The following ARHGAP24 variants were observed in gnomAD, a reference collection of about 807,000 sequenced individuals.
The protein encoded by ARHGAP24 is Rho GTPase activating protein 24.
In ARHGAP24, 50 loss-of-function variants were observed where a neutral mutation model predicts 76.4. The ratio of observed to expected loss-of-function variants is 0.65; its 90% CI spans 0.52 to 0.83. The LOEUF (loss-of-function observed/expected upper bound fraction) is 0.83, where lower values mean the gene tolerates loss of function less well. Ranked by LOEUF, ARHGAP24 falls within the 40% of genes least tolerant of loss-of-function variation. The probability of loss-of-function intolerance (pLI) is 0.00; values close to 1 mark genes in which losing one functional copy is unlikely to be tolerated. For synonymous variants in ARHGAP24, 345 were observed against 323.3 expected (o/e 1.07, Z -0.72); for missense variants, 930 against 914.2 (o/e 1.02, Z -0.22).
Position 85,531,506 on chromosome 4 carries a change from T to A in ARHGAP24, c.-20-39016T>A, listed in dbSNP as rs1376142386. Among the ~76,000 whole-genome samples, 4 of 152,076 alleles carry A rather than the reference T, an allele frequency of 2.6e-5. No individual in the cohort carries two copies. In the East Asian group the frequency reaches 7.7e-4, roughly 29 times the overall value. On this transcript the variant is annotated intron_variant, in intron 1 of 9. Coordinates refer to ENST00000395184, the MANE Select transcript of ARHGAP24 (RefSeq NM_001025616.3). ...TTCAGTTTCTCCAAACCATTCTGACTTAAGGCTGATCATTGTGGGAAAACA... is the reference window on the plus strand; with the variant it reads ...TTCAGTTTCTCCAAACCATTCTGACATAAGGCTGATCATTGTGGGAAAACA...
At chr4:85,922,432 A>G (rs1487567491) in intron 3 of ARHGAP24, among the ~76,000 whole-genome samples, 4 of 152,204 alleles carry the variant, frequency 2.6e-5, no homozygotes, top group Non-Finnish European at 5.9e-5. Flanking sequence ...AAGTATTTAG[A>G]TCCACTTACA....
chr4:85,850,989 A>C (rs4693130), intron 3 of ARHGAP24, among the ~76,000 whole-genome samples: 72,311 of 151,948 alleles, frequency 0.48, 18,715 homozygotes, highest in East Asian at 0.86. Context: ...GCTGAGTTCA[A>C]GTCCTGGATA....
chr4:85,877,084 T>C (rs2148764257), intron 3 of ARHGAP24, among the ~76,000 whole-genome samples: 1 of 152,350 alleles, frequency 6.6e-6, no homozygotes, highest in South Asian at 2.1e-4. Flanking sequence ...TCTATCTCTA[T>C]GTATCTATCT....
At chr4:85,897,122 T>A (rs1734222349) in intron 3 of ARHGAP24, among the ~76,000 whole-genome samples, 1 of 152,148 alleles carries the variant, frequency 6.6e-6, no homozygotes, top group Admixed American at 6.6e-5. Flanking sequence ...GACTTGAATG[T>A]CCCACTGTCT....
intron 2 of ARHGAP24, among the ~76,000 whole-genome samples, chr4:85,578,749 T>TGTC (rs1727489041): frequency 6.6e-6 from 1 of 151,262 alleles, no homozygotes; most frequent in Non-Finnish European, 1.5e-5. Flanking sequence ...TTGATGTTAC[T>TGTC]ATCATCATCA....
At chr4:85,908,416 A>G (rs9997854) in intron 3 of ARHGAP24, among the ~76,000 whole-genome samples, 24,552 of 152,166 alleles carry the variant, frequency 0.16, 2,077 homozygotes, top group South Asian at 0.3. Context: ...AAGTAAAAAA[A>G]TTTAAGAAGG....
chr4:85,968,809 A>C (rs926750166), intron 5 of ARHGAP24, among the ~76,000 whole-genome samples: 1 of 152,180 alleles, frequency 6.6e-6, no homozygotes, highest in African/African-American at 2.4e-5. Flanking sequence ...CCTAAGTTTA[A>C]TAAAGCCCCA....
rs532389095 is a variant in ARHGAP24, at chr4:85,782,015, C to A, written c.268+60043C>A. ...TCACACCACTGCACTCCAATATGGGCAACAGAGTGAGATTCTATCTCAAAA... is the reference window on the plus strand; with the variant it reads ...TCACACCACTGCACTCCAATATGGGAAACAGAGTGAGATTCTATCTCAAAA... On this transcript the variant is annotated intron_variant, in intron 3 of 9. Transcript: ENST00000395184. 6.7e-5 allele frequency among the ~76,000 whole-genome samples: 8 copies of A among 119,078 alleles called. No individual in the cohort carries two copies. The South Asian group carries it at 2.2e-3, about 33-fold the overall frequency. The allele number at this position is 119,078 out of a possible 152,430, so 78.1% of individuals were successfully genotyped here.
intron 3 of ARHGAP24, among the ~76,000 whole-genome samples, chr4:85,761,807 A>G (rs1726745154): frequency 2.6e-5 from 4 of 152,174 alleles, no homozygotes; most frequent in Admixed American, 2.6e-4. Context: ...ACCTCAGGTT[A>G]CTACAAACGC....
chr4:85,815,986 T>G (rs1352253382), intron 3 of ARHGAP24, among the ~76,000 whole-genome samples: 2 of 152,096 alleles, frequency 1.3e-5, no homozygotes, highest in Non-Finnish European at 2.9e-5. Context: ...TAAAACAGGT[T>G]TCCCCTTATC....
At position 85,995,589 on chromosome 4, in the gene ARHGAP24, C is replaced by G; in HGVS notation, c.1935C>G (p.His645Gln). ...GNSSSNHSALHSLVSSLKQEM... is the reference protein window; with the variant it reads ...GNSSSNHSALQSLVSSLKQEM... ...GCAGCAGCAACCACAGTGCACTGCA[C>G]AGTTTAGTTTCCAGCCTGAAACAGG... Residue 645 changes from histidine to glutamine, a missense_variant, in exon 9 of 10, where the codon CAC (histidine) becomes CAG (glutamine). By Grantham distance (24) the His-to-Gln change is conservative (BLOSUM62 0). Transcript: ENST00000395184. 6.2e-7 allele frequency: 1 copy of G among 1,613,922 alleles called. No individual in the cohort carries two copies. The highest frequency in any genetic ancestry group is 1.1e-5 in the South Asian group (1 of 91,052).
At chr4:85,496,658 G>A (rs1399340451) in intron 1 of ARHGAP24, among the ~76,000 whole-genome samples, 3 of 152,158 alleles carry the variant, frequency 2.0e-5, no homozygotes, top group Admixed American at 2.0e-4. Flanking sequence ...TTAACATGTA[G>A]CAAGCTCCCG....
intron 2 of ARHGAP24, among the ~76,000 whole-genome samples, chr4:85,684,319 T>A (rs1723341042): frequency 6.6e-6 from 1 of 152,230 alleles, no homozygotes; most frequent in African/African-American, 2.4e-5. Context: ...AATTATGAGA[T>A]GATATTTCAT....
chr4:85,560,184 T>C (rs920921025), intron 1 of ARHGAP24, among the ~76,000 whole-genome samples: 20 of 152,188 alleles, frequency 1.3e-4, no homozygotes, highest in African/African-American at 4.1e-4. Context: ...TTCCAGTGGT[T>C]GTCTTTTTTA....
intron 2 of ARHGAP24, among the ~76,000 whole-genome samples, chr4:85,593,145 A>T (rs961444867): frequency 2.6e-5 from 4 of 152,048 alleles, no homozygotes; most frequent in Non-Finnish European, 5.9e-5. Context: ...GATAAAAGCC[A>T]ATTTAACTGG....
chr4:85,685,969 G>A (rs1723409311), intron 2 of ARHGAP24, among the ~76,000 whole-genome samples: 1 of 152,216 alleles, frequency 6.6e-6, no homozygotes, highest in African/African-American at 2.4e-5. Context: ...GAAGATCTAA[G>A]AGAGCTTCAC....
chr4:85,714,114 A>G (rs1367158625), intron 2 of ARHGAP24, among the ~76,000 whole-genome samples: 5 of 152,142 alleles, frequency 3.3e-5, no homozygotes, highest in Non-Finnish European at 7.4e-5. Flanking sequence ...AAGTGACCGT[A>G]TGGTAGCTAG....
chr4:85,504,394 G>A (rs913189509), intron 1 of ARHGAP24, among the ~76,000 whole-genome samples: 1 of 152,150 alleles, frequency 6.6e-6, no homozygotes, highest in Admixed American at 6.5e-5. Context: ...TATGAATCAG[G>A]ACGTGCTCCT....
At chr4:85,839,452 C>CT (rs921210291) in intron 3 of ARHGAP24, among the ~76,000 whole-genome samples, 6 of 151,546 alleles carry the variant, frequency 4.0e-5, no homozygotes, top group Admixed American at 2.0e-4. Flanking sequence ...ATAATTCTAA[C>CT]TTTTTTTTTC....
Sources: allele counts gnomAD v4.1 joint callset (sites outside exome capture counted in the v4.1 genomes callset), GRCh38; gene constraint gnomAD v4.1.1; transcripts MANE v1.5; gene names NCBI Gene and HGNC (gene_info 2026-07-23, HGNC 2026-07-21).